Variants in GRIP1 observed in about 807,000 individuals in gnomAD.
GRIP1 encodes glutamate receptor-interacting protein 1.
GRIP1 carries 45 observed loss-of-function variants against 129.9 expected under a neutral mutation model. That is an observed-to-expected ratio of 0.35 (90% CI 0.27 to 0.44). The LOEUF (loss-of-function observed/expected upper bound fraction) is 0.44, where lower values mean the gene tolerates loss of function less well. Among genes scored for constraint, GRIP1 ranks in the 20% least tolerant of loss-of-function variants. The probability of loss-of-function intolerance (pLI) is 1.00; values close to 1 mark genes in which losing one functional copy is unlikely to be tolerated. For synonymous variants in GRIP1, 530 were observed against 520.8 expected, an observed-to-expected ratio of 1.02 and a Z score of -0.24; for missense variants, 1,196 against 1,396.8, an observed-to-expected ratio of 0.86 and a Z score of 2.29.
chr12:66,385,132 G>A (rs2056298062), intron 19 of GRIP1, among the ~76,000 whole-genome samples: 1 of 152,194 alleles, frequency 6.6e-6, no homozygotes, highest in Non-Finnish European at 1.5e-5. Flanking sequence ...GAATGATGGT[G>A]TAAGCACATG....
intron 1 of GRIP1, 65 bp downstream of exon 1, chr12:66,678,785 A>T: frequency 6.8e-7 from 1 of 1,464,094 alleles, no homozygotes; most frequent in South Asian, 1.1e-5. Context: ...AGTAAAAACC[A>T]TTAAACTGTG....
chr12:66,710,802 C>T (rs900702450), intron 1 of GRIP1, among the ~76,000 whole-genome samples: 6 of 151,866 alleles, frequency 4.0e-5, no homozygotes, highest in African/African-American at 1.4e-4. Flanking sequence ...TATTGCTATT[C>T]AGGCTAAGGC....
rs139943052 is a variant in GRIP1 at position 66,610,287 on chromosome 12, T to C, written c.56-13360A>G. ...ATACATAGATACACACATACACTTATATTCATATATATTTAACAGATGTAG... is the reference window on the plus strand; with the variant it reads ...ATACATAGATACACACATACACTTACATTCATATATATTTAACAGATGTAG... On this transcript the variant is annotated intron_variant, in intron 1 of 24. Coordinates refer to ENST00000359742, the MANE Select transcript of GRIP1 (RefSeq NM_001366722.1). Among the ~76,000 whole-genome samples, 45 of 152,238 alleles carry C rather than the reference T, an allele frequency of 3.0e-4. No individual in the cohort carries two copies. In the East Asian group the frequency reaches 4.6e-3, roughly 16 times the overall value.
intron 2 of GRIP1, among the ~76,000 whole-genome samples, chr12:66,543,988 A>T (rs1462749509): frequency 1.3e-5 from 2 of 152,184 alleles, no homozygotes; most frequent in Non-Finnish European, 2.9e-5. Flanking sequence ...TTTCAAGGAC[A>T]TGCTTCCTGC....
chr12:66,679,052 T>C lies in GRIP1; in HGVS notation c.-148A>G. 1 of 1,537,420 alleles carries C rather than the reference T, an allele frequency of 6.5e-7. No homozygotes were observed. Among genetic ancestry groups the C allele is most frequent in the South Asian group, 1.2e-5 (1 of 83,656 alleles). ...ACAAAGCTTAATTCCTCTTGGCTGATGCAGAGGTCCGCTACATGTCATCTG... is the reference window on the plus strand; with the variant it reads ...ACAAAGCTTAATTCCTCTTGGCTGACGCAGAGGTCCGCTACATGTCATCTG... On this transcript the variant is annotated 5_prime_UTR_variant, in exon 1 of 25. Transcript: ENST00000359742.
chr12:66,600,842 C>G (rs1290836208), intron 1 of GRIP1, among the ~76,000 whole-genome samples: 2 of 152,224 alleles, frequency 1.3e-5, no homozygotes, highest in African/African-American at 2.4e-5. Context: ...AGACATTCAG[C>G]TAGTGAGCTA....
chr12:66,391,305 AG>A (rs1211060270), intron 19 of GRIP1, among the ~76,000 whole-genome samples: 1 of 152,268 alleles, frequency 6.6e-6, no homozygotes, highest in African/African-American at 2.4e-5. Context: ...AGAGAAGGTA[AG>A]GCTCAGATGA....
chr12:66,540,535 A>G (rs1309005192), intron 3 of GRIP1, among the ~76,000 whole-genome samples: 2 of 152,210 alleles, frequency 1.3e-5, no homozygotes, highest in Non-Finnish European at 2.9e-5. Context: ...AAAAGCCTAA[A>G]GAAAGCAGAT....
chr12:66,488,573 C>A (rs2060019000), intron 7 of GRIP1, among the ~76,000 whole-genome samples: 1 of 152,164 alleles, frequency 6.6e-6, no homozygotes, highest in Non-Finnish European at 1.5e-5. Context: ...ACTAGAGAAC[C>A]AAGAACAAAC....
chr12:67,044,743 TATGCTGTTCTAC>T (rs2043228281), intron 1 of GRIP1, among the ~76,000 whole-genome samples: 1 of 152,170 alleles, frequency 6.6e-6, no homozygotes, highest in Non-Finnish European at 1.5e-5. Flanking sequence ...AGTCCTATCA[TATGCTGTTCTAC>T]ATTAAAAAAA....
At chr12:66,691,347 G>GAAAAACTATC (rs1229987750) in intron 1 of GRIP1, among the ~76,000 whole-genome samples, 9 of 152,100 alleles carry the variant, frequency 5.9e-5, no homozygotes, top group Admixed American at 3.3e-4. Context: ...GGCTGAATAA[G>GAAAAACTATC]AAAAACTATC....
intron 1 of GRIP1, among the ~76,000 whole-genome samples, chr12:66,599,497 CT>C (rs2064188001): frequency 6.6e-6 from 1 of 152,120 alleles, no homozygotes; most frequent in Non-Finnish European, 1.5e-5. Flanking sequence ...GCACCATGGC[CT>C]TTTATAAAAA....
At chr12:67,063,405 C>G (rs996410983) in intron 1 of GRIP1, among the ~76,000 whole-genome samples, 1 of 152,150 alleles carries the variant, frequency 6.6e-6, no homozygotes, top group Non-Finnish European at 1.5e-5. Flanking sequence ...GCTGATAGCA[C>G]CCTTTGGCCA....
intron 1 of GRIP1, among the ~76,000 whole-genome samples, chr12:66,625,778 TG>T (rs1715113424): frequency 1.3e-5 from 2 of 152,146 alleles, no homozygotes; most frequent in Admixed American, 1.3e-4. Context: ...ATTCCTTAGA[TG>T]AGAAGTTTGA....
chr12:66,403,303 T>G (rs2057074980), intron 16 of GRIP1, among the ~76,000 whole-genome samples: 1 of 152,120 alleles, frequency 6.6e-6, no homozygotes, highest in Admixed American at 6.5e-5. Flanking sequence ...TCTCTTCTTC[T>G]GAGTTCTTAT....
chr12:67,015,538 A>T (rs2042773202), intron 1 of GRIP1, among the ~76,000 whole-genome samples: 1 of 152,180 alleles, frequency 6.6e-6, no homozygotes, highest in Non-Finnish European at 1.5e-5. Context: ...AGCTTTGGAG[A>T]AGCACTCTAA....
At chr12:66,442,573 C>T (rs949581624) in intron 13 of GRIP1, among the ~76,000 whole-genome samples, 2 of 152,100 alleles carry the variant, frequency 1.3e-5, no homozygotes, top group African/African-American at 4.8e-5. Flanking sequence ...ACTCTGTCAC[C>T]CAGGCTGGGG....
At chr12:66,529,789 G>T in intron 5 of GRIP1, 42 bp downstream of exon 5, 1 of 1,054,602 alleles carries the variant, frequency 9.5e-7, no homozygotes, top group Non-Finnish European at 1.5e-6. Flanking sequence ...AAAACCTATG[G>T]AAATATTTTT....
intron 1 of GRIP1, among the ~76,000 whole-genome samples, chr12:66,644,812 A>C (rs2032220917): frequency 1.3e-5 from 2 of 152,218 alleles, no homozygotes. Flanking sequence ...TTTGCATATC[A>C]AGCACAGCAT....
Sources: gnomAD v4.1 joint callset for allele counts (sites outside exome capture counted in the v4.1 genomes callset) on GRCh38, gnomAD v4.1.1 for gene constraint, MANE v1.5 for transcripts, NCBI Gene and HGNC (gene_info 2026-07-23, HGNC 2026-07-21) for gene names.